CCDC148: variants seen among roughly 807,000 people sequenced by gnomAD.
The protein encoded by CCDC148 is coiled-coil domain containing 148, also known as coiled-coil domain-containing protein 148.
CCDC148 carries 89 observed loss-of-function variants against 85.7 expected under a neutral mutation model. The ratio of observed to expected loss-of-function variants is 1.04; its 90% CI spans 0.87 to 1.24. The LOEUF (loss-of-function observed/expected upper bound fraction) is 1.24, where lower values mean the gene tolerates loss of function less well. Ranked by LOEUF, CCDC148 falls within the 50% of genes most tolerant of loss-of-function variation. The pLI is 0.00. For missense variants in CCDC148, 692 were observed against 671.7 expected, an observed-to-expected ratio of 1.03 and a Z score of -0.33; for synonymous variants, 230 against 213.9, an observed-to-expected ratio of 1.08 and a Z score of -0.66.
intron 10 of CCDC148, among the ~76,000 whole-genome samples, chr2:158,223,573 T>C (rs1574435252): frequency 6.6e-6 from 1 of 152,028 alleles, no homozygotes; most frequent in South Asian, 2.1e-4. Flanking sequence ...CACCCCCCAG[T>C]AGGGGCAGAC....
At chr2:158,354,886 A>C (rs1195688463) in intron 2 of CCDC148, among the ~76,000 whole-genome samples, 1 of 151,814 alleles carries the variant, frequency 6.6e-6, no homozygotes, top group Non-Finnish European at 1.5e-5. Context: ...CACCATGATC[A>C]AGTGGGCATC....
At chr2:158,439,679 T>C (rs59257855) in intron 1 of CCDC148, among the ~76,000 whole-genome samples, 25,298 of 152,018 alleles carry the variant, frequency 0.17, 2,264 homozygotes, top group Middle Eastern at 0.21. Context: ...GTATATATGC[T>C]GGCAACATGA....
chr2:158,285,484 A>G (rs918639255), intron 9 of CCDC148, among the ~76,000 whole-genome samples: 2 of 152,034 alleles, frequency 1.3e-5, no homozygotes, highest in African/African-American at 4.8e-5. Flanking sequence ...ATATACACAT[A>G]CATTCATACA....
intron 7 of CCDC148, among the ~76,000 whole-genome samples, chr2:158,338,334 G>C (rs1682493758): frequency 6.6e-6 from 1 of 151,988 alleles, no homozygotes; most frequent in Non-Finnish European, 1.5e-5. Flanking sequence ...TTGATCATAG[G>C]ATAAAATTAC....
intron 7 of CCDC148, among the ~76,000 whole-genome samples, chr2:158,335,363 T>C (rs1682323161): frequency 6.6e-6 from 1 of 152,200 alleles, no homozygotes; most frequent in African/African-American, 2.4e-5. Flanking sequence ...TCAATCCTCC[T>C]AAGTTACTTT....
intron 10 of CCDC148, among the ~76,000 whole-genome samples, chr2:158,226,505 AAG>A (rs1687535948): frequency 1.3e-5 from 2 of 152,178 alleles, no homozygotes; most frequent in Admixed American, 1.3e-4. Context: ...ACAACAAAAA[AAG>A]AGAATTTTAG....
chr2:158,308,139 A>T (rs1395319829), intron 9 of CCDC148, among the ~76,000 whole-genome samples: 1 of 152,208 alleles, frequency 6.6e-6, no homozygotes, highest in Non-Finnish European at 1.5e-5. Flanking sequence ...TTTTTGGTTG[A>T]ACCATATGAA....
chr2:158,367,327 C>G (rs1574704918), intron 1 of CCDC148, among the ~76,000 whole-genome samples: 1 of 152,158 alleles, frequency 6.6e-6, no homozygotes. Flanking sequence ...TCATTTAATT[C>G]TGCCATCCAT....
At chr2:158,440,767 T>C (rs1469390994) in intron 1 of CCDC148, among the ~76,000 whole-genome samples, 1 of 152,230 alleles carries the variant, frequency 6.6e-6, no homozygotes, top group Non-Finnish European at 1.5e-5. Flanking sequence ...GGGAGACTAC[T>C]GTAATGGAAT....
chr2:158,323,301 G>C (rs1158399122), intron 7 of CCDC148, among the ~76,000 whole-genome samples: 1 of 152,078 alleles, frequency 6.6e-6, no homozygotes, highest in African/African-American at 2.4e-5. Flanking sequence ...AGATTTCAAA[G>C]ACTTCATATG....
At chr2:158,423,176 A>G (rs893849763) in intron 1 of CCDC148, among the ~76,000 whole-genome samples, 1 of 152,182 alleles carries the variant, frequency 6.6e-6, no homozygotes, top group Admixed American at 6.6e-5. Context: ...TATACATTCA[A>G]TGCCATCCCC....
intron 7 of CCDC148, among the ~76,000 whole-genome samples, chr2:158,329,131 G>A (rs1255640982): frequency 2.0e-5 from 3 of 152,098 alleles, no homozygotes; most frequent in African/African-American, 4.8e-5. Context: ...TTTCTTCTAG[G>A]GTTTTTATGG....
At chr2:158,276,593 A>G in intron 9 of CCDC148, among the ~76,000 whole-genome samples, 1 of 121,038 alleles carries the variant, frequency 8.3e-6, no homozygotes, top group East Asian at 2.8e-4. Context: ...AACAAAACAA[A>G]ACAACTGCCT....
intron 1 of CCDC148, among the ~76,000 whole-genome samples, chr2:158,423,738 C>T (rs1259776155): frequency 6.6e-6 from 1 of 152,196 alleles, no homozygotes; most frequent in African/African-American, 2.4e-5. Flanking sequence ...AACTAAAGAG[C>T]TTCTGCACAG....
At chr2:158,308,393 C>A (rs1224689955) in intron 9 of CCDC148, among the ~76,000 whole-genome samples, 2 of 152,230 alleles carry the variant, frequency 1.3e-5, no homozygotes, top group Admixed American at 1.3e-4. Context: ...CCCTGCAGCC[C>A]ATGATAGACC....
At chr2:158,318,487 A>T (rs1286437553) in intron 7 of CCDC148, among the ~76,000 whole-genome samples, 1 of 152,206 alleles carries the variant, frequency 6.6e-6, no homozygotes, top group Non-Finnish European at 1.5e-5. Context: ...CAGGGTTCTA[A>T]AAGTGATGGC....
chr2:158,306,593 C>T (rs1442351014), intron 9 of CCDC148, among the ~76,000 whole-genome samples: 1 of 151,804 alleles, frequency 6.6e-6, no homozygotes, highest in Non-Finnish European at 1.5e-5. Flanking sequence ...AAACCAAACA[C>T]TGCATGTTCT....
At chr2:158,438,888 C>G (rs1362734959) in intron 1 of CCDC148, among the ~76,000 whole-genome samples, 6 of 152,200 alleles carry the variant, frequency 3.9e-5, no homozygotes, top group African/African-American at 1.2e-4. Flanking sequence ...CTCATCATCA[C>G]TGGCCATCAG....
chr2:158,353,352 C>T (rs1271187928), intron 2 of CCDC148, among the ~76,000 whole-genome samples: 5 of 149,874 alleles, frequency 3.3e-5, no homozygotes, highest in Non-Finnish European at 7.4e-5. Context: ...CAGACACACA[C>T]ATAGGCTGAA....
Sources: gnomAD v4.1 joint callset for allele counts (sites outside exome capture counted in the v4.1 genomes callset) on GRCh38, gnomAD v4.1.1 for gene constraint, MANE v1.5 for transcripts, NCBI Gene and HGNC (gene_info 2026-07-23, HGNC 2026-07-21) for gene names.